Variants in ATP2C2 observed in about 807,000 individuals in gnomAD.
ATP2C2 encodes calcium-transporting ATPase type 2C member 2.
In ATP2C2, 171 loss-of-function variants were observed where a neutral mutation model predicts 110.8. The observed-to-expected ratio is 1.54, with a 90% confidence interval of 1.36 to 1.75. ATP2C2 has a LOEUF of 1.75. ATP2C2 is among the 40% of genes most tolerant of loss of function. The pLI, the probability that ATP2C2 is intolerant of heterozygous loss-of-function variation, is 0.00. For missense variants in ATP2C2, 1,963 were observed against 1,235.0 expected (o/e 1.59, Z -8.84); for synonymous variants, 804 against 508.4 (o/e 1.58, Z -7.82).
At chr16:84,437,504 C>A (rs575080887) in intron 11 of ATP2C2, among the ~76,000 whole-genome samples, 3 of 152,126 alleles carry the variant, frequency 2.0e-5, no homozygotes, top group Admixed American at 2.0e-4. Context: ...AGCTACTGTG[C>A]CTGGCCTTAG....
chr16:84,410,494 C>A lies in ATP2C2; in HGVS notation c.418-74C>A, dbSNP rs189413849. On this transcript the variant is annotated intron_variant, in intron 4 of 26. Coordinates refer to ENST00000262429, the MANE Select transcript of ATP2C2 (RefSeq NM_014861.4). ...AGGAAATCAATCATTAAAGACAAGCCCCTAGCCTGCCACGCCCTGTCCCCC... is the reference window on the plus strand; with the variant it reads ...AGGAAATCAATCATTAAAGACAAGCACCTAGCCTGCCACGCCCTGTCCCCC... 26 of 1,493,770 alleles carry A rather than the reference C, an allele frequency of 1.7e-5. No homozygotes were observed. The East Asian group carries it at 4.5e-4, about 26-fold the overall frequency. 92.5% of individuals were successfully genotyped at this position (1,493,770 alleles called of 1,614,324 possible). A position where few individuals can be genotyped will look rare whatever the true frequency, so the allele number is the denominator to read the frequency against.
intron 13 of ATP2C2, among the ~76,000 whole-genome samples, chr16:84,440,347 C>G (rs987885167): frequency 6.6e-6 from 1 of 152,212 alleles, no homozygotes; most frequent in African/African-American, 2.4e-5. Flanking sequence ...GATATTTTTT[C>G]TACAAAACTG....
intron 7 of ATP2C2, among the ~76,000 whole-genome samples, chr16:84,416,100 G>T (rs1210586559): frequency 1.3e-5 from 2 of 152,200 alleles, no homozygotes; most frequent in Non-Finnish European, 2.9e-5. Flanking sequence ...CTTGAACCCG[G>T]GAGGCGGAGG....
chr16:84,420,952 C>T (rs1239657301), intron 7 of ATP2C2, among the ~76,000 whole-genome samples: 1 of 152,088 alleles, frequency 6.6e-6, no homozygotes, highest in African/African-American at 2.4e-5. Flanking sequence ...ATTACAGGCG[C>T]CTGCCCCCAT....
At chr16:84,462,666 C>G (rs1327299253) in intron 26 of ATP2C2, 1 of 153,266 alleles carries the variant, frequency 6.5e-6, no homozygotes, top group African/African-American at 2.4e-5. Context: ...AGTGTGGCAC[C>G]TTTCTCTGAA....
Position 84,460,647 on chromosome 16 carries a change from G to C in ATP2C2, c.2334-7G>C. On this transcript the variant is annotated splice_polypyrimidine_tract_variant and splice_region_variant and intron_variant, in intron 23 of 26. Coordinates refer to ENST00000262429, the MANE Select transcript of ATP2C2 (RefSeq NM_014861.4). The stretch of plus-strand genomic sequence containing the variant: ...ATTTCAAAGTGTCTGTGTCTTGTTC[G>C]GAGCAGCTTGGGGGTAGAGCCCGTT... 1.2e-6 allele frequency: 2 copies of C among 1,614,156 alleles called. No homozygotes were observed. The highest frequency in any genetic ancestry group is 1.7e-6 in the Non-Finnish European group (2 of 1,180,016).
At chr16:84,399,250 G>A (rs1035613576) in intron 2 of ATP2C2, among the ~76,000 whole-genome samples, 1 of 152,208 alleles carries the variant, frequency 6.6e-6, no homozygotes, top group African/African-American at 2.4e-5. Flanking sequence ...CAGGAAGTTG[G>A]AAGCTAGTGT....
intron 11 of ATP2C2, among the ~76,000 whole-genome samples, chr16:84,429,776 T>C (rs74038226): frequency 0.053 from 8,107 of 152,156 alleles, 229 homozygotes; most frequent in Middle Eastern, 0.075. Context: ...GGTGTGCATA[T>C]TCCTGTGGCT....
chr16:84,389,884 C>G (rs958099397), intron 1 of ATP2C2, among the ~76,000 whole-genome samples: 3 of 152,080 alleles, frequency 2.0e-5, no homozygotes, highest in Non-Finnish European at 4.4e-5. Context: ...TCACGTTTGG[C>G]TAACTTTTTT....
chr16:84,460,626 C>G, intron 23 of ATP2C2, 28 bp from the exon 24 acceptor site: 1 of 1,614,078 alleles, frequency 6.2e-7, no homozygotes, highest in Non-Finnish European at 8.5e-7. Context: ...TGGTTCATTT[C>G]AAAGTGTCTG....
At chr16:84,460,590 G>C in intron 23 of ATP2C2, 64 bp from the exon 24 acceptor site, 1 of 1,610,750 alleles carries the variant, frequency 6.2e-7, no homozygotes, top group Non-Finnish European at 8.5e-7. Flanking sequence ...AGGCACAGCT[G>C]TTTCAAGGGT....
chr16:84,444,497 A>T (rs574967990), intron 15 of ATP2C2, among the ~76,000 whole-genome samples: 2 of 152,144 alleles, frequency 1.3e-5, no homozygotes, highest in Non-Finnish European at 2.9e-5. Context: ...AAATCATGAC[A>T]TCGTATTATT....
intron 10 of ATP2C2, 30 bp from the exon 11 acceptor site, chr16:84,425,705 G>C: frequency 1.2e-6 from 2 of 1,610,014 alleles, no homozygotes; most frequent in Non-Finnish European, 1.7e-6. Context: ...AGTGCATATG[G>C]AGATAAGGAT....
At chr16:84,423,944 G>T (rs915214842) in intron 10 of ATP2C2, among the ~76,000 whole-genome samples, 1 of 152,202 alleles carries the variant, frequency 6.6e-6, no homozygotes, top group Non-Finnish European at 1.5e-5. Flanking sequence ...CATCCCCATA[G>T]TGCTGCCCCA....
chr16:84,394,325 G>C (rs1904844714), intron 1 of ATP2C2, among the ~76,000 whole-genome samples: 1 of 152,012 alleles, frequency 6.6e-6, no homozygotes, highest in Non-Finnish European at 1.5e-5. Context: ...TGAAACATTT[G>C]AAAGAAACCC....
intron 1 of ATP2C2, among the ~76,000 whole-genome samples, chr16:84,392,352 G>A (rs1357642852): frequency 1.3e-5 from 2 of 152,060 alleles, no homozygotes; most frequent in Non-Finnish European, 2.9e-5. Context: ...AGGTTCCCTT[G>A]GGCTCCTAAA....
intron 1 of ATP2C2, among the ~76,000 whole-genome samples, chr16:84,388,154 G>A (rs1337653307): frequency 6.6e-6 from 1 of 152,050 alleles, no homozygotes; most frequent in Non-Finnish European, 1.5e-5. Context: ...GTGAAATCCT[G>A]TCTCTACTAA....
At chr16:84,378,315 A>G (rs1218359088) in intron 1 of ATP2C2, among the ~76,000 whole-genome samples, 2 of 152,182 alleles carry the variant, frequency 1.3e-5, no homozygotes, top group African/African-American at 4.8e-5. Flanking sequence ...TAGGGCAGAC[A>G]GGGCCCCTCC....
intron 11 of ATP2C2, among the ~76,000 whole-genome samples, chr16:84,428,582 T>C (rs949595243): frequency 1.3e-5 from 2 of 152,180 alleles, no homozygotes; most frequent in Admixed American, 6.5e-5. Flanking sequence ...TGGAATATTA[T>C]GTGATGATGT....
Sources: allele counts gnomAD v4.1 joint callset (sites outside exome capture counted in the v4.1 genomes callset), GRCh38; gene constraint gnomAD v4.1.1; transcripts MANE v1.5; gene names NCBI Gene and HGNC (gene_info 2026-07-23, HGNC 2026-07-21).